The following MEAK7 variants were observed in gnomAD, a reference collection of about 807,000 sequenced individuals.
MEAK7 encodes the protein MTOR-associated protein MEAK7.
Under a neutral mutation model 40.5 loss-of-function variants are expected in MEAK7, and 68 were observed. The observed-to-expected ratio is 1.68, with a 90% CI of 1.38 to 2.06. The LOEUF is 2.06. Among genes scored for constraint, MEAK7 ranks in the 30% most tolerant of loss-of-function variants. The pLI is 0.00. For missense variants in MEAK7, 918 were observed against 580.5 expected, an observed-to-expected ratio of 1.58 and a Z score of -5.98; for synonymous variants, 338 against 231.9, an observed-to-expected ratio of 1.46 and a Z score of -4.16.
chr16:84,482,632 A>C lies in MEAK7; in HGVS notation c.1037T>G (p.Met346Arg), dbSNP rs761272827. ...CGTCTGCTGTCCATGGTTCAAGTAC[A>C]TGTAGTGGTCGTTGTAGCCCGTGTG... is the stretch of plus-strand genomic sequence containing the variant. The part of the protein sequence containing the change: ...YTHTGYNDHY[M>R]YLNHGQQTIP... The change falls in exon 6 of 8, where the codon ATG (methionine) becomes AGG (arginine). Residue 346 changes from methionine to arginine, a missense_variant. Coordinates refer to ENST00000343629, the MANE Select transcript of MEAK7 (RefSeq NM_020947.4). 17 of 1,614,042 alleles carry C rather than the reference A, an allele frequency of 1.1e-5. No individual in the cohort carries two copies. The East Asian group carries it at 3.1e-4, about 30-fold the overall frequency.
intron 3 of MEAK7, among the ~76,000 whole-genome samples, chr16:84,493,468 T>G (rs1047169032): frequency 6.6e-6 from 1 of 152,244 alleles, no homozygotes; most frequent in Non-Finnish European, 1.5e-5. Context: ...GTTAATTGCG[T>G]GGACCGAACT....
intron 5 of MEAK7, among the ~76,000 whole-genome samples, chr16:84,483,369 C>G (rs1912748393): frequency 1.3e-5 from 2 of 152,266 alleles, no homozygotes; most frequent in Admixed American, 6.5e-5. Context: ...TAGGCCAGGC[C>G]TCGTCCTCGG....
chr16:84,483,053 G>A (rs1008406248), intron 5 of MEAK7, among the ~76,000 whole-genome samples: 7 of 152,196 alleles, frequency 4.6e-5, no homozygotes, highest in Non-Finnish European at 5.9e-5. Flanking sequence ...TTATGAGCAC[G>A]GGGCAGGTGG....
rs1912360413 is a variant in MEAK7 at position 84,479,891 on chromosome 16, C to G, written c.*22G>C. The G allele has an allele frequency of 6.4e-7, 1 of 1,568,472 alleles. No individual in the cohort carries two copies. The highest frequency in any genetic ancestry group is 1.8e-5 in the Admixed American group (1 of 56,350). On this transcript the variant is annotated 3_prime_UTR_variant, in exon 8 of 8. Coordinates refer to ENST00000343629, the MANE Select transcript of MEAK7 (RefSeq NM_020947.4). ...ACCCAGAGGAATCCAGGTCCTGGCT[C>G]CAGGAAGGCTCAGGCGGCTCCTCAT...
intron 5 of MEAK7, among the ~76,000 whole-genome samples, chr16:84,484,036 C>A (rs968783370): frequency 6.6e-6 from 1 of 152,202 alleles, no homozygotes; most frequent in African/African-American, 2.4e-5. Context: ...CACCCGTCTG[C>A]ACTGCCCCCG....
At chr16:84,500,595 G>A (rs1277274349) in intron 1 of MEAK7, among the ~76,000 whole-genome samples, 2 of 152,176 alleles carry the variant, frequency 1.3e-5, no homozygotes, top group Non-Finnish European at 2.9e-5. Context: ...CAGACAGGCT[G>A]GAAACGAGGG....
intron 2 of MEAK7, chr16:84,497,236 C>G (rs758298793): frequency 2.7e-6 from 1 of 368,170 alleles, no homozygotes; most frequent in African/African-American, 2.1e-5. Flanking sequence ...GATGAGCTGA[C>G]GGCATCTCCT....
intron 6 of MEAK7, among the ~76,000 whole-genome samples, chr16:84,481,387 G>A (rs937152429): frequency 6.6e-6 from 1 of 152,202 alleles, no homozygotes; most frequent in Non-Finnish European, 1.5e-5. Flanking sequence ...GACACGCGGA[G>A]CCGCTCTCTC....
At chr16:84,501,105 GAAA>G (rs35447624) in intron 1 of MEAK7, among the ~76,000 whole-genome samples, 35,289 of 103,818 alleles carry the variant, frequency 0.34, 4,490 homozygotes, top group East Asian at 0.56. Flanking sequence ...AAAAAAAAAA[GAAA>G]AAAAAAAAAA....
At chr16:84,484,138 G>A (rs542919640) in intron 5 of MEAK7, among the ~76,000 whole-genome samples, 22 of 152,332 alleles carry the variant, frequency 1.4e-4, no homozygotes, top group Non-Finnish European at 2.5e-4. Flanking sequence ...CAGGGCCACA[G>A]AGTTCAGGCC....
intron 3 of MEAK7, among the ~76,000 whole-genome samples, chr16:84,494,161 G>C (rs945150068): frequency 6.6e-6 from 1 of 152,176 alleles, no homozygotes; most frequent in Non-Finnish European, 1.5e-5. Context: ...TATCACTGTT[G>C]CTGCACTTTA....
chr16:84,490,424 G>A (rs1020360087), intron 3 of MEAK7, among the ~76,000 whole-genome samples: 4 of 145,920 alleles, frequency 2.7e-5, no homozygotes, highest in East Asian at 2.0e-4. Context: ...CTCGCTGGGC[G>A]GCTAAGTTTC....
At chr16:84,493,263 C>T (rs112010377) in intron 3 of MEAK7, among the ~76,000 whole-genome samples, 11 of 152,322 alleles carry the variant, frequency 7.2e-5, no homozygotes, top group African/African-American at 2.6e-4. Context: ...AGACTTTTGA[C>T]ATCCACAATT....
In MEAK7 at chr16:84,489,333, G is replaced by A. The variant is rs777697870; in HGVS notation, c.474C>T (p.Pro158=). 1.2e-5 allele frequency: 19 copies of A among 1,614,194 alleles called. No homozygotes were observed. The highest frequency in any genetic ancestry group is 1.6e-5 in the Non-Finnish European group (19 of 1,180,032). ...RGWTGKEAPG[P]NPRVQVLAAQ... ...CAGCCAGCACCTGCACCCGGGGGTT[G>A]GGCCCTGGGGCTTCCTTCCCAGTCC... Residue 158 remains proline, a synonymous_variant, in exon 4 of 8, where the codon CCC becomes CCT. Coordinates refer to ENST00000343629, the MANE Select transcript of MEAK7 (RefSeq NM_020947.4).
intron 7 of MEAK7, 118 bp from the exon 8 acceptor site, chr16:84,480,144 C>A (rs1329644457): frequency 1.4e-4 from 113 of 796,160 alleles, no homozygotes; most frequent in Admixed American, 3.1e-5. Flanking sequence ...CCTAAGGCCC[C>A]TCCCACTCTG....
intron 6 of MEAK7, among the ~76,000 whole-genome samples, chr16:84,482,347 T>C (rs1912635092): frequency 6.6e-6 from 1 of 152,174 alleles, no homozygotes; most frequent in African/African-American, 2.4e-5. Flanking sequence ...ATGGGCCAAG[T>C]GTGCCATCTG....
chr16:84,480,755 G>A (rs375928812), intron 6 of MEAK7, 47 bp from the exon 7 acceptor site: 6 of 1,545,548 alleles, frequency 3.9e-6, no homozygotes, highest in Non-Finnish European at 5.2e-6. Flanking sequence ...ACTCCTCAGG[G>A]TCTGTGGACA....
At position 84,479,819 on chromosome 16, in the gene MEAK7, C is replaced by G. The variant is rs1052909323; in HGVS notation, c.*94G>C. 3 of 934,940 alleles carry G rather than the reference C, an allele frequency of 3.2e-6. No homozygotes were observed. The highest frequency in any genetic ancestry group is 4.7e-6 in the Non-Finnish European group (3 of 635,966). 57.9% of individuals were successfully genotyped at this position (934,940 alleles called of 1,614,324 possible). A position where few individuals can be genotyped will look rare whatever the true frequency, so the allele number is the denominator to read the frequency against. ...CTGTGACCCGTGCGGTACGCTATTACAGTTAAACCATGTGGGAGGGAAGAG... is the reference window on the plus strand; with the variant it reads ...CTGTGACCCGTGCGGTACGCTATTAGAGTTAAACCATGTGGGAGGGAAGAG... On this transcript the variant is annotated 3_prime_UTR_variant, in exon 8 of 8. Coordinates refer to ENST00000343629, the MANE Select transcript of MEAK7 (RefSeq NM_020947.4).
intron 2 of MEAK7, 79 bp from the exon 3 acceptor site, chr16:84,495,992 G>A: frequency 2.0e-6 from 3 of 1,488,406 alleles, no homozygotes; most frequent in Admixed American, 3.7e-5. Flanking sequence ...ATTTTAGGCA[G>A]ATAGAGAGGA....
Sources: gnomAD v4.1 joint callset for allele counts (sites outside exome capture counted in the v4.1 genomes callset) on GRCh38, gnomAD v4.1.1 for gene constraint, MANE v1.5 for transcripts, NCBI Gene and HGNC (gene_info 2026-07-23, HGNC 2026-07-21) for gene names.